CTNNA3: variants seen among roughly 807,000 people sequenced by gnomAD.
The protein encoded by CTNNA3 is catenin alpha-3.
CTNNA3 carries 76 observed loss-of-function variants against 95.7 expected under a neutral mutation model. The ratio of observed to expected loss-of-function variants is 0.79; its 90% CI spans 0.66 to 0.96. The LOEUF (loss-of-function observed/expected upper bound fraction) is 0.96. Among genes scored for constraint, CTNNA3 ranks in the 40% least tolerant of loss-of-function variants. CTNNA3 has a pLI of 0.00. For missense variants in CTNNA3, 1,191 were observed against 1,089.8 expected, an observed-to-expected ratio of 1.09 and a Z score of -1.31; for synonymous variants, 431 against 374.4, an observed-to-expected ratio of 1.15 and a Z score of -1.74.
chr10:67,450,229 G>A (rs1846920981), intron 5 of CTNNA3, among the ~76,000 whole-genome samples: 1 of 152,074 alleles, frequency 6.6e-6, no homozygotes, highest in Admixed American at 6.6e-5. Context: ...ATTGTGGAAC[G>A]CAGTGTGGCG....
At chr10:66,905,317 CA>C (rs1257933706) in intron 7 of CTNNA3, among the ~76,000 whole-genome samples, 1 of 152,028 alleles carries the variant, frequency 6.6e-6, no homozygotes, top group Non-Finnish European at 1.5e-5. Context: ...GGGAATTGAA[CA>C]ATAAGAACAC....
chr10:66,995,611 A>T (rs1013463644), intron 7 of CTNNA3, among the ~76,000 whole-genome samples: 1 of 152,142 alleles, frequency 6.6e-6, no homozygotes. Flanking sequence ...TCTTGTCTAC[A>T]TCTCTATATT....
intron 12 of CTNNA3, among the ~76,000 whole-genome samples, chr10:66,304,349 T>C (rs78026949): frequency 0.072 from 10,968 of 152,166 alleles, 513 homozygotes; most frequent in Admixed American, 0.12. Context: ...ACCTCGTAAA[T>C]CTGAACAGCC....
intron 5 of CTNNA3, among the ~76,000 whole-genome samples, chr10:67,477,081 A>C (rs555156618): frequency 1.2e-4 from 18 of 152,102 alleles, no homozygotes; most frequent in Non-Finnish European, 1.9e-4. Context: ...CTGTGCAGAG[A>C]CTGTGTGGTG....
chr10:67,157,744 C>A (rs1458859484), intron 7 of CTNNA3, among the ~76,000 whole-genome samples: 2 of 152,054 alleles, frequency 1.3e-5, no homozygotes, highest in Admixed American at 6.6e-5. Flanking sequence ...AATAAGAGAT[C>A]AATGGCCATA....
At chr10:66,172,617 A>G (rs1359415351) in intron 13 of CTNNA3, among the ~76,000 whole-genome samples, 3 of 152,044 alleles carry the variant, frequency 2.0e-5, no homozygotes, top group Non-Finnish European at 2.9e-5. Context: ...CATTCATTGC[A>G]TCTATGATAA....
At chr10:66,176,332 C>T (rs2085711487) in intron 13 of CTNNA3, among the ~76,000 whole-genome samples, 1 of 152,064 alleles carries the variant, frequency 6.6e-6, no homozygotes, top group African/African-American at 2.4e-5. Context: ...CAAATGGAGG[C>T]TTACATAAAC....
At chr10:66,615,509 AT>A (rs1844480076) in intron 10 of CTNNA3, among the ~76,000 whole-genome samples, 1 of 151,884 alleles carries the variant, frequency 6.6e-6, no homozygotes, top group South Asian at 2.1e-4. Context: ...GTATATTTTT[AT>A]TTTTTTATTA....
intron 9 of CTNNA3, among the ~76,000 whole-genome samples, chr10:66,722,706 G>A (rs1040804848): frequency 6.6e-6 from 1 of 151,940 alleles, no homozygotes; most frequent in African/African-American, 2.4e-5. Flanking sequence ...CATTCCTGAG[G>A]GTACTTCTCT....
chr10:66,055,689 C>T (rs956866842), intron 15 of CTNNA3, among the ~76,000 whole-genome samples: 10 of 151,840 alleles, frequency 6.6e-5, no homozygotes, highest in African/African-American at 9.7e-5. Context: ...TTCGGGAGGC[C>T]GAGGCAGGCA....
chr10:65,988,847 T>G, intron 15 of CTNNA3, 50 bp from the exon 16 acceptor site: 1 of 1,318,598 alleles, frequency 7.6e-7, no homozygotes, highest in African/African-American at 1.5e-5. Context: ...AGAAAATATA[T>G]GTTAGCTACG....
At chr10:67,148,527 A>T (rs1021003025) in intron 7 of CTNNA3, among the ~76,000 whole-genome samples, 4 of 152,194 alleles carry the variant, frequency 2.6e-5, no homozygotes, top group African/African-American at 9.7e-5. Flanking sequence ...TCCCAATTTA[A>T]ATCCTAGCTT....
At chr10:67,587,266 C>T (rs1842663385) in intron 3 of CTNNA3, among the ~76,000 whole-genome samples, 1 of 149,848 alleles carries the variant, frequency 6.7e-6, no homozygotes, top group South Asian at 2.1e-4. Flanking sequence ...CACTATGTTG[C>T]CCAGGCTGGT....
chr10:67,264,757 C>T (rs972704440), intron 5 of CTNNA3, among the ~76,000 whole-genome samples: 7 of 152,148 alleles, frequency 4.6e-5, no homozygotes, highest in South Asian at 2.1e-4. Context: ...GTTCACCCTC[C>T]GAAAAATTGA....
At chr10:66,113,569 T>C (rs896378084) in intron 13 of CTNNA3, among the ~76,000 whole-genome samples, 4 of 152,148 alleles carry the variant, frequency 2.6e-5, no homozygotes, top group Admixed American at 2.0e-4. Context: ...AACAAGAACT[T>C]AACTTGTTGA....
chr10:67,589,254 C>A (rs1358814938), intron 3 of CTNNA3, among the ~76,000 whole-genome samples: 1 of 152,162 alleles, frequency 6.6e-6, no homozygotes, highest in Admixed American at 6.6e-5. Flanking sequence ...CATACCATTA[C>A]AGTGTCATTT....
rs569564176 is a variant in CTNNA3, at chr10:67,182,604, A to T, written c.844-2084T>A. Among the ~76,000 whole-genome samples, 1,236 of 151,364 alleles carry T rather than the reference A, an allele frequency of 8.2e-3. 23 individuals are homozygous for T. Among genetic ancestry groups the T allele is most frequent in the African/African-American group, 0.028 (1,155 of 40,678 alleles). ...AAAACCCTAGAAGAAAACCTAGGCA[A>T]TACCATTCAGGACATAGGCATGGGC... On this transcript the variant is annotated intron_variant, in intron 6 of 17. Coordinates refer to ENST00000433211, the MANE Select transcript of CTNNA3 (RefSeq NM_013266.4).
chr10:67,678,992 ACAATATTT>A, intron 1 of CTNNA3, among the ~76,000 whole-genome samples: 1 of 152,328 alleles, frequency 6.6e-6, no homozygotes, highest in Admixed American at 6.5e-5. Context: ...AAGCAAAATA[ACAATATTT>A]TTACTTTGCT....
intron 7 of CTNNA3, 142 bp from the exon 8 acceptor site, chr10:66,775,666 G>A (rs1840266501): frequency 1.7e-6 from 1 of 592,204 alleles, no homozygotes; most frequent in Non-Finnish European, 3.0e-6. Context: ...TGATTCATGA[G>A]CATTTCACTT....
Sources: allele counts gnomAD v4.1 joint callset (sites outside exome capture counted in the v4.1 genomes callset), GRCh38; gene constraint gnomAD v4.1.1; transcripts MANE v1.5; gene names NCBI Gene and HGNC (gene_info 2026-07-23, HGNC 2026-07-21).